Variants in PIKFYVE observed in about 807,000 individuals in gnomAD.
PIKFYVE encodes the protein 1-phosphatidylinositol 3-phosphate 5-kinase.
PIKFYVE carries 122 observed loss-of-function variants against 257.9 expected under a neutral mutation model. That is an observed-to-expected ratio of 0.47 (90% confidence interval 0.41 to 0.55). The LOEUF is 0.55. PIKFYVE is among the 20% of genes least tolerant of loss of function. The pLI, the probability that PIKFYVE is intolerant of heterozygous loss-of-function variation, is 0.00. For synonymous variants in PIKFYVE, 892 were observed against 868.9 expected, an observed-to-expected ratio of 1.03 and a Z score of -0.47; for missense variants, 2,160 against 2,536.6, an observed-to-expected ratio of 0.85 and a Z score of 3.19.
intron 7 of PIKFYVE, among the ~76,000 whole-genome samples, chr2:208,296,161 T>G (rs1692955026): frequency 6.6e-6 from 1 of 152,086 alleles, no homozygotes; most frequent in East Asian, 1.9e-4. Flanking sequence ...CCTGCTAGCA[T>G]GCCTGGCTAA....
rs553119993 is a variant in PIKFYVE at position 208,325,888 on chromosome 2, A to G, written c.3077A>G (p.Tyr1026Cys). The G allele has an allele frequency of 6.2e-7, 1 of 1,614,136 alleles. No individual in the cohort carries two copies. Among genetic ancestry groups the G allele is most frequent in the South Asian group, 1.1e-5 (1 of 91,086 alleles). Residue 1026 changes from tyrosine (Y) to cysteine (C), a missense_variant, in exon 20 of 42, where the codon TAT (tyrosine) becomes TGT (cysteine). Tyr to Cys is a radical substitution (Grantham distance 194). Coordinates refer to ENST00000264380, the MANE Select transcript of PIKFYVE (RefSeq NM_015040.4). Reference protein sequence around the residue: ...RDPLQDDTGLYVTEEVTSSED... With the variant: ...RDPLQDDTGLCVTEEVTSSED... ...CCTCTACAGGATGACACTGGATTAT[A>G]TGTTACTGAGGAAGTCACCTCCTCT...
chr2:208,270,202 C>G (rs1203908834), intron 1 of PIKFYVE, among the ~76,000 whole-genome samples: 8 of 151,834 alleles, frequency 5.3e-5, no homozygotes, highest in Non-Finnish European at 1.5e-5. Context: ...CCACCATGTC[C>G]AGCTAATTTT....
At position 208,348,026 on chromosome 2, in the gene PIKFYVE, G is replaced by A. The variant is rs770096951; in HGVS notation, c.5374+3G>A. On this transcript the variant is annotated splice_donor_region_variant and intron_variant, in intron 35 of 41. Coordinates refer to ENST00000264380, the MANE Select transcript of PIKFYVE (RefSeq NM_015040.4). Reference sequence around the variant, plus strand: ...GAATCAAGGCGTTGAGCCTCAAGGTGTGTTAAAGAAGAGTAAATGTGCTTA... The same window carrying A: ...GAATCAAGGCGTTGAGCCTCAAGGTATGTTAAAGAAGAGTAAATGTGCTTA... The A allele has an allele frequency of 1.9e-6, 3 of 1,613,970 alleles. No homozygotes were observed. The highest frequency in any genetic ancestry group is 2.5e-6 in the Non-Finnish European group (3 of 1,179,870).
chr2:208,274,015 C>T, intron 3 of PIKFYVE: 1 of 1,611,714 alleles, frequency 6.2e-7, no homozygotes, highest in African/African-American at 1.3e-5. Flanking sequence ...GCTTGGGTTT[C>T]AGCAGACAAC....
intron 41 of PIKFYVE, 45 bp downstream of exon 41, chr2:208,354,690 T>C (rs1700049838): frequency 1.3e-6 from 2 of 1,497,214 alleles, no homozygotes; most frequent in African/African-American, 1.4e-5. Flanking sequence ...GTATTTCTTA[T>C]CAGTTAAAAT....
At chr2:208,292,944 C>T (rs200424446) in intron 7 of PIKFYVE, among the ~76,000 whole-genome samples, 172 of 150,962 alleles carry the variant, frequency 1.1e-3, no homozygotes, top group African/African-American at 4.0e-3. Flanking sequence ...TAATCCCTGC[C>T]GTATTTGTTA....
In PIKFYVE at chr2:208,300,945, G is replaced by A. The variant is rs1306524553; in HGVS notation, c.1059G>A (p.Val353=). The change falls in exon 9 of 42, where the codon GTG becomes GTA. Residue 353 remains valine, a synonymous_variant. Transcript: ENST00000264380. ...EDERKILLDS[V]QLKDLWKKIC... ...TGTTAATGTGATTGCAGGACAGTGT[G>A]CAGTTAAAAGACCTGTGGAAAAAAA... 6.2e-7 allele frequency: 1 copy of A among 1,613,920 alleles called. No individual in the cohort carries two copies. Among genetic ancestry groups the A allele is most frequent in the African/African-American group, 1.3e-5 (1 of 74,904 alleles).
intron 41 of PIKFYVE, 68 bp from the exon 42 acceptor site, chr2:208,355,122 C>G: frequency 1.7e-6 from 2 of 1,166,408 alleles, no homozygotes; most frequent in South Asian, 1.3e-5. Flanking sequence ...AGAACATGGT[C>G]AGTTGACTTC....
At position 208,273,942 on chromosome 2, in the gene PIKFYVE, G is replaced by A. The variant is rs184282435; in HGVS notation, c.322+209G>A. 5.0e-4 allele frequency: 754 copies of A among 1,509,958 alleles called. 1 individual carries two copies. The African/African-American group carries it at 7.1e-3, about 14-fold the overall frequency. 93.5% of individuals were successfully genotyped at this position (1,509,958 alleles called of 1,614,324 possible). On this transcript the variant is annotated intron_variant, in intron 3 of 41. Transcript: ENST00000264380. ...TTGACACCTGAAAAAATTCTTAAAC[G>A]TCTCATTAAACTTTAATTTAGGCAA...
intron 32 of PIKFYVE, 42 bp from the exon 33 acceptor site, chr2:208,345,069 G>A: frequency 1.5e-6 from 2 of 1,295,292 alleles, no homozygotes; most frequent in Non-Finnish European, 1.1e-6. Flanking sequence ...TTTTAAAGAA[G>A]AAGTTAATGT....
intron 33 of PIKFYVE, among the ~76,000 whole-genome samples, chr2:208,345,847 A>T (rs1699175237): frequency 6.6e-6 from 1 of 152,052 alleles, no homozygotes; most frequent in South Asian, 2.1e-4. Context: ...ACAGCATTTC[A>T]CTTTAAGTCC....
chr2:208,338,499 T>C lies in PIKFYVE; in HGVS notation c.4612-9T>C. 1 of 1,611,072 alleles carries C rather than the reference T, an allele frequency of 6.2e-7. No homozygotes were observed. Among genetic ancestry groups the C allele is most frequent in the Non-Finnish European group, 8.5e-7 (1 of 1,177,364 alleles). ...TTTCCATAAGAACAAAGTATTTACT[T>C]CTCTACAGATAAGTGCGATGGATGC... On this transcript the variant is annotated splice_polypyrimidine_tract_variant and intron_variant, in intron 28 of 41. Coordinates refer to ENST00000264380, the MANE Select transcript of PIKFYVE (RefSeq NM_015040.4).
intron 39 of PIKFYVE, among the ~76,000 whole-genome samples, 183 bp downstream of exon 39, chr2:208,352,965 G>A (rs1349678177): frequency 6.6e-6 from 1 of 152,200 alleles, no homozygotes; most frequent in Non-Finnish European, 1.5e-5. Flanking sequence ...AATTATTCTT[G>A]TGGAGTGGTC....
chr2:208,336,165 AAGTCTCTGTG>A lies in PIKFYVE; in HGVS notation c.4487_4496del (p.Ser1496LysfsTer32), dbSNP rs1476404783. ...TTGAGTCACTCATTGCCAAGAAACA[AAGTCTCTGTG>A]AAGTGCTGCAAGCTTGGAATAACAG... On this transcript the variant is annotated frameshift_variant, in exon 27 of 42. Coordinates refer to ENST00000264380, the MANE Select transcript of PIKFYVE (RefSeq NM_015040.4). LOFTEE classifies it high-confidence loss of function. 1 of 1,613,962 alleles carries A rather than the reference AAGTCTCTGTG, an allele frequency of 6.2e-7. No individual in the cohort carries two copies. The highest frequency in any genetic ancestry group is 1.3e-5 in the African/African-American group (1 of 74,936).
At chr2:208,317,390 C>G (rs1365698715) in intron 15 of PIKFYVE, among the ~76,000 whole-genome samples, 1 of 151,114 alleles carries the variant, frequency 6.6e-6, no homozygotes, top group African/African-American at 2.4e-5. Context: ...TGCTCATCAT[C>G]ACTGGCCATC....
intron 3 of PIKFYVE, among the ~76,000 whole-genome samples, chr2:208,276,177 T>G (rs1444643642): frequency 6.6e-6 from 1 of 152,188 alleles, no homozygotes; most frequent in East Asian, 1.9e-4. Context: ...TGTTGTGAAG[T>G]CTGTCAGAAT....
In PIKFYVE at chr2:208,304,990, C is replaced by T. The variant is rs1694151043; in HGVS notation, c.1613C>T (p.Pro538Leu). 6.2e-7 allele frequency: 1 copy of T among 1,614,092 alleles called. No homozygotes were observed. The highest frequency in any genetic ancestry group is 8.5e-7 in the Non-Finnish European group (1 of 1,180,016). Residue 538 changes from proline (P) to leucine (L), a missense_variant, in exon 12 of 42, where the codon CCC (proline) becomes CTC (leucine). Transcript: ENST00000264380. ...IKKPSKYPHVPPHPADQKEYL... is the reference protein window; with the variant it reads ...IKKPSKYPHVLPHPADQKEYL... The stretch of plus-strand genomic sequence containing the variant: ...AAGCCCTCCAAGTACCCACATGTGC[C>T]CCCTCACCCTGCTGACCAAAAAGGT...
At chr2:208,270,908 C>T (rs1367309822) in intron 1 of PIKFYVE, among the ~76,000 whole-genome samples, 2 of 151,784 alleles carry the variant, frequency 1.3e-5, no homozygotes, top group South Asian at 2.1e-4. Flanking sequence ...GGTGACTGCG[C>T]ACCTATAGTC....
At position 208,324,824 on chromosome 2, in the gene PIKFYVE, T is replaced by A. The variant is rs1017952022; in HGVS notation, c.2332-87T>A. 1.1e-5 allele frequency: 16 copies of A among 1,477,586 alleles called. No homozygotes were observed. The East Asian group carries it at 1.4e-4, about 13-fold the overall frequency. 91.5% of individuals were successfully genotyped at this position (1,477,586 alleles called of 1,614,324 possible). ...AAGGAAATTTGTGAATGTTATTTTT[T>A]AATTTTTCCATTACTTTTCCAGATT... On this transcript the variant is annotated intron_variant, in intron 18 of 41. Coordinates refer to ENST00000264380, the MANE Select transcript of PIKFYVE (RefSeq NM_015040.4).
Sources: gnomAD v4.1 joint callset for allele counts (sites outside exome capture counted in the v4.1 genomes callset) on GRCh38, gnomAD v4.1.1 for gene constraint, MANE v1.5 for transcripts, NCBI Gene and HGNC (gene_info 2026-07-23, HGNC 2026-07-21) for gene names.